ARSL: variants seen among roughly 807,000 people sequenced by gnomAD.
ARSL encodes arylsulfatase E (chondrodysplasia punctata 1).
ARSL carries 4 observed loss-of-function variants against 31.1 expected under a neutral mutation model. The ratio of observed to expected loss-of-function variants is 0.13; its 90% confidence interval spans 0.06 to 0.29. ARSL has a LOEUF of 0.29. ARSL is among the 10% of genes least tolerant of loss of function. The pLI, the probability that ARSL is intolerant of heterozygous loss-of-function variation, is 1.00. For missense variants in ARSL, 312 were observed against 497.8 expected (o/e 0.63, Z 3.55); for synonymous variants, 198 against 209.9 (o/e 0.94, Z 0.49).
At chrX:2,945,137 C>G (rs779971709) in intron 7 of ARSL, among the ~76,000 whole-genome samples, 6 of 110,836 alleles carry the variant, frequency 5.4e-5, no homozygotes, top group African/African-American at 1.6e-4. Context: ...TTTAGGGGTG[C>G]GTCAGGGCAG....
rs35961426 is a variant in ARSL, at chrX:2,959,941, G to GAGAAAGAA, written c.23+429_23+436dup. 2.0e-4 allele frequency: 43 copies of GAGAAAGAA among 216,305 alleles called. No individual in the cohort carries two copies. The East Asian group carries it at 2.4e-3, about 12-fold the overall frequency. The allele number at this position is 216,305 out of a possible 1,213,427, so 17.8% of individuals were successfully genotyped here. A position where few individuals can be genotyped will look rare whatever the true frequency, so the allele number is the denominator to read the frequency against. ...AAGGGAAGGAAGGAAGAAAGAGAGA[G>GAGAAAGAA]AGAAAGAAAGAAAGAAAGAAAGAAA... On this transcript the variant is annotated intron_variant, in intron 2 of 10. Transcript: ENST00000381134.
intron 7 of ARSL, among the ~76,000 whole-genome samples, chrX:2,944,261 C>A (rs916158613): frequency 9.1e-6 from 1 of 109,342 alleles, no homozygotes; most frequent in Admixed American, 9.8e-5. Flanking sequence ...CGAGACCAGC[C>A]TGGCCAACAT....
chrX:2,943,328 G>T, intron 7 of ARSL, 129 bp from the exon 8 acceptor site: 1 of 825,261 alleles, frequency 1.2e-6, no homozygotes, highest in Middle Eastern at 4.4e-4. Flanking sequence ...CATAATGGAA[G>T]TCAGCTGTTG....
chrX:2,961,256 C>A (rs2147414756), intron 1 of ARSL, among the ~76,000 whole-genome samples: 1 of 111,016 alleles, frequency 9.0e-6, no homozygotes, highest in Admixed American at 9.6e-5. Flanking sequence ...TGAGGGAGAG[C>A]CCAGGGTGTA....
At chrX:2,936,603 T>G in intron 10 of ARSL, 139 bp downstream of exon 10, 5 of 856,484 alleles carry the variant, frequency 5.8e-6, no homozygotes, top group East Asian at 3.5e-5. Context: ...AAAAAGCTCG[T>G]GGAGAAAAAC....
chrX:2,959,987 AG>A (rs1404527917), intron 2 of ARSL: 6 of 228,628 alleles, frequency 2.6e-5, no homozygotes, highest in Non-Finnish European at 4.6e-5. Context: ...GAAAGAAAAG[AG>A]GCCGGGCGCG....
chrX:2,934,715 A>G lies in ARSL; in HGVS notation c.*117T>C. On this transcript the variant is annotated 3_prime_UTR_variant, in exon 11 of 11. Coordinates refer to ENST00000381134, the MANE Select transcript of ARSL (RefSeq NM_000047.3). ...CAGGTTGGTTTTGATCACGGGAGTG[A>G]TCCTCCTGTGGTGGCCTCCTAAAGT... The G allele has an allele frequency of 1.6e-6, 1 of 638,953 alleles. No homozygotes were observed. The highest frequency in any genetic ancestry group is 2.4e-6 in the Non-Finnish European group (1 of 411,651). The allele number at this position is 638,953 out of a possible 1,213,427, so 52.7% of individuals were successfully genotyped here. A position where few individuals can be genotyped will look rare whatever the true frequency, so the allele number is the denominator to read the frequency against.
intron 8 of ARSL, among the ~76,000 whole-genome samples, chrX:2,941,324 G>A (rs1297950614): frequency 9.9e-6 from 1 of 100,615 alleles, no homozygotes; most frequent in African/African-American, 3.9e-5. Context: ...GCACAGTCTT[G>A]GCTCACTGCA....
At chrX:2,943,316 C>G (rs931075740) in intron 7 of ARSL, 117 bp from the exon 8 acceptor site, 10 of 932,203 alleles carry the variant, frequency 1.1e-5, no homozygotes, top group Non-Finnish European at 1.0e-5. Context: ...TTAGTTTTAA[C>G]GCATAATGGA....
chrX:2,963,576 T>A (rs2147422802), intron 1 of ARSL, among the ~76,000 whole-genome samples: 1 of 99,209 alleles, frequency 1.0e-5, no homozygotes, highest in Non-Finnish European at 2.0e-5. Flanking sequence ...GGTCTGGCTG[T>A]TTCACCCAGG....
At chrX:2,959,513 T>A in intron 2 of ARSL, 1 of 1,059,197 alleles carries the variant, frequency 9.4e-7, no homozygotes, top group Non-Finnish European at 1.2e-6. Context: ...AGTAAAGATG[T>A]AATCTGAGTC....
chrX:2,935,572 T>A (rs929049564), intron 10 of ARSL, among the ~76,000 whole-genome samples: 26 of 112,349 alleles, frequency 2.3e-4, no homozygotes, highest in African/African-American at 8.1e-4. Flanking sequence ...CAGTGTCTGC[T>A]TTTGGCGTGA....
intron 3 of ARSL, among the ~76,000 whole-genome samples, chrX:2,955,796 G>A (rs1435802203): frequency 1.8e-5 from 2 of 112,166 alleles, no homozygotes; most frequent in South Asian, 3.7e-4. Flanking sequence ...AAGCCACAGC[G>A]GGAGGATCGT....
chrX:2,960,585 C>T (rs1006207238), intron 1 of ARSL, 165 bp from the exon 2 acceptor site: 9 of 488,607 alleles, frequency 1.8e-5, no homozygotes, highest in Admixed American at 1.1e-4. Flanking sequence ...ATGCTCTTCC[C>T]GAGTGAAAAG....
At chrX:2,944,580 T>TA (rs1314563239) in intron 7 of ARSL, among the ~76,000 whole-genome samples, 5 of 110,682 alleles carry the variant, frequency 4.5e-5, no homozygotes, top group African/African-American at 1.6e-4. Flanking sequence ...TTTTTTTTTT[T>TA]AAATACGTCG....
chrX:2,959,490 C>T, intron 2 of ARSL: 2 of 979,574 alleles, frequency 2.0e-6, no homozygotes, highest in Non-Finnish European at 2.7e-6. Flanking sequence ...TGTCCCAATC[C>T]CCAGTGGGAT....
Position 2,949,417 on chromosome X carries a change from C to G in ARSL, c.741G>C (p.Leu247=), listed in dbSNP as rs1327823599. ...LLASSYFVGA[L]IVHADCFLMR... is the part of the protein sequence containing the mutation. ...TCAGAAAGCAATCGGCATGGACAAT[C>G]AGAGCACCCACAAAATAGGAGCTTG... is the stretch of plus-strand genomic sequence containing the variant. Residue 247 remains leucine, a synonymous_variant, in exon 6 of 11, where the codon CTG becomes CTC. Coordinates refer to ENST00000381134, the MANE Select transcript of ARSL (RefSeq NM_000047.3). 1 of 1,211,235 alleles carries G rather than the reference C, an allele frequency of 8.3e-7. No individual in the cohort carries two copies. The highest frequency in any genetic ancestry group is 2.2e-5 in the Admixed American group (1 of 45,891).
chrX:2,958,131 T>G, intron 3 of ARSL, 143 bp downstream of exon 3: 1 of 785,875 alleles, frequency 1.3e-6, no homozygotes, highest in Non-Finnish European at 1.9e-6. Flanking sequence ...GAAAGTAACA[T>G]TAGGGAGAGT....
chrX:2,949,739 A>G lies in ARSL; in HGVS notation c.431-12T>C. The stretch of plus-strand genomic sequence containing the variant: ...CAGATGCCATTTTCCTGAGAGGCAA[A>G]AAGGATGTTGATGTGACAAGCATCT... On this transcript the variant is annotated splice_polypyrimidine_tract_variant and intron_variant, in intron 5 of 10. Coordinates refer to ENST00000381134, the MANE Select transcript of ARSL (RefSeq NM_000047.3). 8.3e-7 allele frequency: 1 copy of G among 1,207,639 alleles called. No individual in the cohort carries two copies. Among genetic ancestry groups the G allele is most frequent in the Non-Finnish European group, 1.1e-6 (1 of 892,998 alleles).
Sources: allele counts gnomAD v4.1 joint callset (sites outside exome capture counted in the v4.1 genomes callset), GRCh38; gene constraint gnomAD v4.1.1; transcripts MANE v1.5; gene names NCBI Gene and HGNC (gene_info 2026-07-23, HGNC 2026-07-21).